Variants in YAP1 observed in about 807,000 individuals in gnomAD.
YAP1 encodes Yes1 associated transcriptional regulator, also known as transcriptional coactivator YAP1.
YAP1 carries 5 observed loss-of-function variants against 56.9 expected under a neutral mutation model. The observed-to-expected ratio is 0.09, with a 90% CI of 0.05 to 0.18. The LOEUF is 0.18. Ranked by LOEUF, YAP1 falls within the 10% of genes least tolerant of loss-of-function variation. The probability of loss-of-function intolerance (pLI) is 1.00; values close to 1 mark genes in which losing one functional copy is unlikely to be tolerated. For synonymous variants in YAP1, 265 were observed against 248.1 expected (o/e 1.07, Z -0.64); for missense variants, 539 against 651.8 (o/e 0.83, Z 1.88).
intron 6 of YAP1, among the ~76,000 whole-genome samples, chr11:102,215,433 G>C (rs1949612057): frequency 6.6e-6 from 1 of 152,136 alleles, no homozygotes; most frequent in Non-Finnish European, 1.5e-5. Context: ...CTTTAAGAAA[G>C]TAACACTGAC....
intron 3 of YAP1, among the ~76,000 whole-genome samples, chr11:102,166,688 G>C (rs962767767): frequency 1.3e-5 from 2 of 152,162 alleles, no homozygotes; most frequent in Non-Finnish European, 2.9e-5. Flanking sequence ...GCTACACCGT[G>C]CTTTTGAAGC....
At chr11:102,176,283 A>C (rs1435451783) in intron 3 of YAP1, among the ~76,000 whole-genome samples, 1 of 152,214 alleles carries the variant, frequency 6.6e-6, no homozygotes, top group Admixed American at 6.5e-5. Context: ...AGTTTTTCTC[A>C]TAATTCCACA....
Position 102,151,097 on chromosome 11 carries a change from G to T in YAP1, c.573-11359G>T, listed in dbSNP as rs372585789. Among the ~76,000 whole-genome samples the T allele has an allele frequency of 2.0e-4, 30 of 151,960 alleles. No individual in the cohort carries two copies. In the East Asian group the frequency reaches 4.1e-3, roughly 21 times the overall value. On this transcript the variant is annotated intron_variant, in intron 2 of 8. Transcript: ENST00000282441. ...CCCACCTCAGCCTCCCAAAGTGCTG[G>T]GATTACAGGCGTCAGCCACCACGCC...
At chr11:102,220,538 T>C (rs1400452871) in intron 6 of YAP1, among the ~76,000 whole-genome samples, 1 of 152,140 alleles carries the variant, frequency 6.6e-6, no homozygotes, top group Non-Finnish European at 1.5e-5. Context: ...ATCAGGAATC[T>C]AAAAGGTGCT....
At chr11:102,214,583 C>T (rs1323059072) in intron 6 of YAP1, among the ~76,000 whole-genome samples, 1 of 152,168 alleles carries the variant, frequency 6.6e-6, no homozygotes, top group Admixed American at 6.5e-5. Flanking sequence ...CCTGTTAACA[C>T]TTGTCTAACG....
intron 3 of YAP1, among the ~76,000 whole-genome samples, chr11:102,172,676 G>C (rs61198026): frequency 1.3e-5 from 2 of 151,970 alleles, no homozygotes; most frequent in Non-Finnish European, 2.9e-5. Flanking sequence ...TAAGTTATGA[G>C]AACGGATATA....
rs192069400 is a variant in YAP1 at position 102,179,433 on chromosome 11, G to A, written c.689-6585G>A. On this transcript the variant is annotated intron_variant, in intron 3 of 8. Transcript: ENST00000282441. ...GTTTAATAATGGTAATCCCCTTTAA[G>A]TATTTACTGGTTGAAATAATTAAAG... is the stretch of plus-strand genomic sequence containing the variant. Among the ~76,000 whole-genome samples, 21 of 152,282 alleles carry A rather than the reference G, an allele frequency of 1.4e-4. No individual in the cohort carries two copies. The East Asian group carries it at 3.9e-3, about 28-fold the overall frequency.
chr11:102,163,455 C>T (rs1287574843), intron 3 of YAP1, among the ~76,000 whole-genome samples: 1 of 152,092 alleles, frequency 6.6e-6, no homozygotes, highest in South Asian at 2.1e-4. Context: ...GGTGCCCTTC[C>T]TCTGGGAAGA....
chr11:102,172,300 ATTT>A lies in YAP1; in HGVS notation c.688+9755_688+9757del, dbSNP rs752185861. Among the ~76,000 whole-genome samples, 1,007 of 110,740 alleles carry A rather than the reference ATTT, an allele frequency of 9.1e-3. 18 individuals are homozygous for A. Among genetic ancestry groups the A allele is most frequent in the African/African-American group, 0.041 (969 of 23,484 alleles). 72.6% of individuals were successfully genotyped at this position (110,740 alleles called of 152,430 possible). On this transcript the variant is annotated intron_variant, in intron 3 of 8. Coordinates refer to ENST00000282441, the MANE Select transcript of YAP1 (RefSeq NM_001130145.3). ...TAGTGGAAAGGAAGAACAGTGAAGAATTTTTTTTTTTTTTTTTTTTTTTTTTTT... is the reference window on the plus strand; with the variant it reads ...TAGTGGAAAGGAAGAACAGTGAAGAATTTTTTTTTTTTTTTTTTTTTTTTT...
intron 2 of YAP1, among the ~76,000 whole-genome samples, chr11:102,138,396 C>A (rs1944806828): frequency 6.6e-6 from 1 of 152,178 alleles, no homozygotes; most frequent in Non-Finnish European, 1.5e-5. Flanking sequence ...ACTCAAATGT[C>A]TGGTGCCAGC....
At chr11:102,165,926 A>G (rs1946577869) in intron 3 of YAP1, among the ~76,000 whole-genome samples, 2 of 152,102 alleles carry the variant, frequency 1.3e-5, no homozygotes, top group Non-Finnish European at 2.9e-5. Flanking sequence ...GGGTGTGGAG[A>G]TGATGTTTGT....
intron 4 of YAP1, among the ~76,000 whole-genome samples, chr11:102,191,605 C>A (rs988202637): frequency 6.6e-6 from 1 of 152,180 alleles, no homozygotes; most frequent in Non-Finnish European, 1.5e-5. Context: ...AATGCACTTG[C>A]ATCTTGTATT....
chr11:102,192,443 G>T (rs1322393284), intron 4 of YAP1, among the ~76,000 whole-genome samples: 1 of 152,184 alleles, frequency 6.6e-6, no homozygotes, highest in Non-Finnish European at 1.5e-5. Context: ...TCTTCAATCT[G>T]CAGTAGAGGC....
intron 3 of YAP1, among the ~76,000 whole-genome samples, chr11:102,163,193 G>A (rs143230859): frequency 6.6e-6 from 1 of 152,024 alleles, no homozygotes; most frequent in African/African-American, 2.4e-5. Flanking sequence ...CTCTTATTTG[G>A]CAATTTACTT....
At chr11:102,185,968 A>T in intron 3 of YAP1, 50 bp from the exon 4 acceptor site, 1 of 1,488,080 alleles carries the variant, frequency 6.7e-7, no homozygotes, top group Non-Finnish European at 8.9e-7. Context: ...ACTTTTTTTT[A>T]GGTGCACCAA....
chr11:102,183,075 G>T (rs75439293), intron 3 of YAP1, among the ~76,000 whole-genome samples: 1 of 152,172 alleles, frequency 6.6e-6, no homozygotes. Context: ...GAACAGATAT[G>T]TAATCAAGTA....
chr11:102,186,539 A>G (rs1947958497), intron 4 of YAP1: 2 of 235,796 alleles, frequency 8.5e-6, no homozygotes, highest in African/African-American at 4.8e-5. Flanking sequence ...TTAGGTTCTG[A>G]GAGTGATGAG....
intron 6 of YAP1, among the ~76,000 whole-genome samples, chr11:102,214,150 C>T (rs1165720045): frequency 6.6e-6 from 1 of 152,154 alleles, no homozygotes; most frequent in Non-Finnish European, 1.5e-5. Flanking sequence ...GATGTCTTAA[C>T]TCAGTAGCCA....
intron 2 of YAP1, among the ~76,000 whole-genome samples, chr11:102,146,722 A>T (rs1421093254): frequency 6.6e-6 from 1 of 152,134 alleles, no homozygotes; most frequent in Admixed American, 6.5e-5. Flanking sequence ...CTTACAATTC[A>T]TGGGATCTTA....
Sources: gnomAD v4.1 joint callset for allele counts (sites outside exome capture counted in the v4.1 genomes callset) on GRCh38, gnomAD v4.1.1 for gene constraint, MANE v1.5 for transcripts, NCBI Gene and HGNC (gene_info 2026-07-23, HGNC 2026-07-21) for gene names.